SH3BP5: variants seen among roughly 807,000 people sequenced by gnomAD.
SH3BP5 encodes the protein SH3 domain binding protein 5.
SH3BP5 carries 22 observed loss-of-function variants against 43.3 expected under a neutral mutation model. The observed-to-expected ratio is 0.51, with a 90% CI of 0.36 to 0.73. The LOEUF (loss-of-function observed/expected upper bound fraction) is 0.73. SH3BP5 is among the 30% of genes least tolerant of loss of function. The pLI is 0.00. For missense variants in SH3BP5, 529 were observed against 586.9 expected, an observed-to-expected ratio of 0.90 and a Z score of 1.02; for synonymous variants, 255 against 225.8, an observed-to-expected ratio of 1.13 and a Z score of -1.16.
At chr3:15,317,259 C>A (rs1698208676) in intron 2 of SH3BP5, among the ~76,000 whole-genome samples, 2 of 152,204 alleles carry the variant, frequency 1.3e-5, no homozygotes, top group Non-Finnish European at 2.9e-5. Flanking sequence ...GAGTTCATGG[C>A]CCAGCCTCAG....
intron 2 of SH3BP5, among the ~76,000 whole-genome samples, chr3:15,318,798 G>A (rs756367380): frequency 5.3e-5 from 8 of 152,122 alleles, no homozygotes; most frequent in Non-Finnish European, 8.8e-5. Context: ...TCCCAAATTC[G>A]TAGCCTCAAG....
chr3:15,263,805 T>G (rs1696537678), intron 4 of SH3BP5, among the ~76,000 whole-genome samples: 1 of 152,228 alleles, frequency 6.6e-6, no homozygotes, highest in Non-Finnish European at 1.5e-5. Context: ...CATAAGCAGC[T>G]TGCGATTTCT....
intron 3 of SH3BP5, among the ~76,000 whole-genome samples, chr3:15,302,457 C>T (rs1021293491): frequency 6.6e-6 from 1 of 152,168 alleles, no homozygotes; most frequent in African/African-American, 2.4e-5. Context: ...CAGGCAGCCA[C>T]TCTGTCTAGG....
chr3:15,318,218 G>A (rs1269333454), intron 2 of SH3BP5, among the ~76,000 whole-genome samples: 1 of 152,108 alleles, frequency 6.6e-6, no homozygotes, highest in East Asian at 1.9e-4. Context: ...TTTTTACTTA[G>A]GTGCCATTAT....
At chr3:15,323,375 C>T (rs1019134879) in intron 2 of SH3BP5, among the ~76,000 whole-genome samples, 4 of 152,178 alleles carry the variant, frequency 2.6e-5, no homozygotes, top group Non-Finnish European at 4.4e-5. Context: ...TGCCAGGCCC[C>T]ATGGCCAGTT....
chr3:15,257,916 G>T (rs182244931), intron 7 of SH3BP5, among the ~76,000 whole-genome samples: 3 of 152,300 alleles, frequency 2.0e-5, no homozygotes, highest in African/African-American at 4.8e-5. Flanking sequence ...TAATGTTGGG[G>T]ACAGAAAATG....
chr3:15,324,306 T>C (rs2125138400), intron 2 of SH3BP5, among the ~76,000 whole-genome samples: 1 of 152,234 alleles, frequency 6.6e-6, no homozygotes, highest in Non-Finnish European at 1.5e-5. Flanking sequence ...CCTGAGTGAC[T>C]CTCCTAGAAT....
At chr3:15,273,115 C>T (rs1411767251) in intron 3 of SH3BP5, 18 of 985,018 alleles carry the variant, frequency 1.8e-5, no homozygotes, top group Non-Finnish European at 2.2e-5. Context: ...GCCTCTCCTA[C>T]CTATATGCTT....
chr3:15,317,050 C>G (rs988662727), intron 2 of SH3BP5, among the ~76,000 whole-genome samples: 1 of 152,240 alleles, frequency 6.6e-6, no homozygotes, highest in Non-Finnish European at 1.5e-5. Flanking sequence ...TCCATGTTTA[C>G]GCCAGGAGGC....
At chr3:15,341,039 T>C (rs7637158) in intron 1 of SH3BP5, among the ~76,000 whole-genome samples, 80,792 of 151,746 alleles carry the variant, frequency 0.53, 23,280 homozygotes, top group African/African-American at 0.75. Flanking sequence ...GCAACAAGAG[T>C]GAAAGTCCGC....
chr3:15,265,524 A>T (rs1024933030), intron 4 of SH3BP5, among the ~76,000 whole-genome samples: 95 of 130,742 alleles, frequency 7.3e-4, no homozygotes, highest in African/African-American at 2.4e-3. Context: ...ACACACACAC[A>T]CACACACACA....
chr3:15,295,437 C>T (rs1432107048), intron 3 of SH3BP5, among the ~76,000 whole-genome samples: 1 of 152,110 alleles, frequency 6.6e-6, no homozygotes, highest in African/African-American at 2.4e-5. Flanking sequence ...TTCCTCGGTC[C>T]TTTTAGTGCT....
chr3:15,259,625 C>T, intron 6 of SH3BP5, 136 bp downstream of exon 6: 1 of 879,996 alleles, frequency 1.1e-6, no homozygotes, highest in Non-Finnish European at 1.9e-6. Flanking sequence ...ATTTTGAGGT[C>T]TGAAAACTCA....
chr3:15,316,099 C>T (rs1698176994), intron 2 of SH3BP5, among the ~76,000 whole-genome samples: 1 of 152,036 alleles, frequency 6.6e-6, no homozygotes, highest in Non-Finnish European at 1.5e-5. Flanking sequence ...CTAAGAGTCA[C>T]ACTTGGCATT....
At chr3:15,278,815 G>C (rs1697041494) in intron 3 of SH3BP5, among the ~76,000 whole-genome samples, 1 of 152,124 alleles carries the variant, frequency 6.6e-6, no homozygotes, top group Non-Finnish European at 1.5e-5. Flanking sequence ...ACTAAATGTA[G>C]CTTGTGGCAC....
At chr3:15,265,229 G>T (rs182831581) in intron 4 of SH3BP5, among the ~76,000 whole-genome samples, 1 of 152,074 alleles carries the variant, frequency 6.6e-6, no homozygotes, top group Non-Finnish European at 1.5e-5. Flanking sequence ...AAACCTCCAG[G>T]GCAGCCAGGT....
intron 3 of SH3BP5, among the ~76,000 whole-genome samples, chr3:15,296,842 C>T (rs1367966932): frequency 6.8e-6 from 1 of 147,632 alleles, no homozygotes; most frequent in Non-Finnish European, 1.5e-5. Context: ...CATAAGCAAG[C>T]ACCACCATGT....
At position 15,262,231 on chromosome 3, in the gene SH3BP5, G is replaced by T; in HGVS notation, c.554C>A (p.Ala185Asp). ...GCGGCCCATGGCGGCATTGTACCTG[G>T]CTGCCGTCTCCTTATGCACCAGCTC... ...RSELVHKETAARYNAAMGRMR... is the reference protein window; with the variant it reads ...RSELVHKETADRYNAAMGRMR... The change falls in exon 5 of 9, where the codon GCC becomes GAC. Residue 185 changes from alanine (A) to aspartate (D), a missense_variant. This residue lies in a region of SH3BP5 where 369 missense variants were observed against 384.3 expected (regional missense o/e 0.96). Transcript: ENST00000383791. 1 of 1,614,168 alleles carries T rather than the reference G, an allele frequency of 6.2e-7. No individual in the cohort carries two copies. Among genetic ancestry groups the T allele is most frequent in the Non-Finnish European group, 8.5e-7 (1 of 1,180,020 alleles).
chr3:15,261,090 C>G (rs1437162139), intron 5 of SH3BP5, among the ~76,000 whole-genome samples: 5 of 152,142 alleles, frequency 3.3e-5, no homozygotes, highest in African/African-American at 4.8e-5. Context: ...GGCACAGGTC[C>G]TACAACAACC....
Sources: gnomAD v4.1 joint callset for allele counts (sites outside exome capture counted in the v4.1 genomes callset) on GRCh38, gnomAD v4.1.1 for gene constraint, gnomAD v4.1.1 regional missense constraint, MANE v1.5 for transcripts, NCBI Gene and HGNC (gene_info 2026-07-23, HGNC 2026-07-21) for gene names.